Variants in ATP9B observed in about 807,000 individuals in gnomAD.
ATP9B encodes the protein probable phospholipid-transporting ATPase IIB.
In ATP9B, 110 loss-of-function variants were observed where a neutral mutation model predicts 146.1. The ratio of observed to expected loss-of-function variants is 0.75; its 90% CI spans 0.65 to 0.88. ATP9B has a LOEUF of 0.88. Ranked by LOEUF, ATP9B falls within the 40% of genes least tolerant of loss-of-function variation. The pLI is 0.00. For synonymous variants in ATP9B, 604 were observed against 569.7 expected (o/e 1.06, Z -0.86); for missense variants, 1,499 against 1,496.4 (o/e 1.00, Z -0.03).
At chr18:79,340,576 A>G (rs532681216) in intron 19 of ATP9B, 11 of 152,212 alleles carry the variant, frequency 7.2e-5, no homozygotes, top group Admixed American at 2.0e-4. Flanking sequence ...CCTGTTTCCA[A>G]AAATGCATAT....
chr18:79,365,910 G>A (rs1159123533), intron 26 of ATP9B, among the ~76,000 whole-genome samples: 1 of 151,508 alleles, frequency 6.6e-6, no homozygotes, highest in Non-Finnish European at 1.5e-5. Flanking sequence ...GTGATGGAAG[G>A]ACATCTCCGT....
chr18:79,151,463 T>C (rs2094687854), intron 6 of ATP9B, among the ~76,000 whole-genome samples: 1 of 152,208 alleles, frequency 6.6e-6, no homozygotes, highest in African/African-American at 2.4e-5. Context: ...AGGTTACATC[T>C]AAGTTTTGCC....
intron 1 of ATP9B, among the ~76,000 whole-genome samples, chr18:79,088,864 C>A (rs2074069564): frequency 6.6e-6 from 1 of 152,040 alleles, no homozygotes; most frequent in Admixed American, 6.5e-5. Flanking sequence ...AATGAGAAAC[C>A]ATGGTTAAAG....
At chr18:79,282,549 T>C (rs2096389281) in intron 13 of ATP9B, among the ~76,000 whole-genome samples, 1 of 152,238 alleles carries the variant, frequency 6.6e-6, no homozygotes. Context: ...TTAGCACGTT[T>C]TAAAAATATT....
chr18:79,099,367 G>A (rs2075081462), intron 2 of ATP9B, among the ~76,000 whole-genome samples: 1 of 152,036 alleles, frequency 6.6e-6, no homozygotes, highest in Non-Finnish European at 1.5e-5. Context: ...GACTACAGAT[G>A]TGCACCAGCA....
chr18:79,225,950 C>T (rs28675802), intron 11 of ATP9B, among the ~76,000 whole-genome samples: 24,508 of 93,620 alleles, frequency 0.26, 8,244 homozygotes, highest in African/African-American at 0.49. Context: ...TCTTTGTTCC[C>T]AGGGCATCTT....
intron 7 of ATP9B, among the ~76,000 whole-genome samples, chr18:79,157,278 T>TCTAG (rs1484825471): frequency 6.6e-6 from 1 of 151,174 alleles, no homozygotes; most frequent in Admixed American, 6.6e-5. Context: ...GGCCTATAAT[T>TCTAG]CTAGCTACTC....
chr18:79,277,943 A>T (rs2096332134), intron 13 of ATP9B, among the ~76,000 whole-genome samples: 3 of 152,236 alleles, frequency 2.0e-5, no homozygotes, highest in African/African-American at 7.2e-5. Context: ...AATAGTAGAA[A>T]AATCCTCACT....
chr18:79,327,124 T>A (rs560835526), intron 15 of ATP9B, among the ~76,000 whole-genome samples: 44 of 152,352 alleles, frequency 2.9e-4, no homozygotes, highest in Non-Finnish European at 6.0e-4. Context: ...GGCCCTAAGA[T>A]TGATTTAATA....
intron 11 of ATP9B, among the ~76,000 whole-genome samples, chr18:79,219,595 C>T (rs1362125351): frequency 1.3e-5 from 2 of 152,122 alleles, no homozygotes; most frequent in Non-Finnish European, 2.9e-5. Flanking sequence ...TATGGCATTA[C>T]TTCTTTCATT....
intron 4 of ATP9B, among the ~76,000 whole-genome samples, chr18:79,118,593 G>A (rs2094134931): frequency 6.6e-6 from 1 of 151,074 alleles, no homozygotes; most frequent in Admixed American, 6.6e-5. Context: ...GTAGAGATGG[G>A]GTTTTACCAT....
At chr18:79,257,551 G>T (rs1332611947) in intron 12 of ATP9B, among the ~76,000 whole-genome samples, 1 of 152,232 alleles carries the variant, frequency 6.6e-6, no homozygotes, top group Non-Finnish European at 1.5e-5. Flanking sequence ...GCAATGTGGG[G>T]CTTCCCTGGC....
At chr18:79,117,119 AGTTAT>A (rs889988323) in intron 4 of ATP9B, 6 of 152,136 alleles carry the variant, frequency 3.9e-5, no homozygotes, top group African/African-American at 1.4e-4. Context: ...ATAACATAAA[AGTTAT>A]GTATGTATTA....
At chr18:79,285,253 C>A (rs950592106) in intron 13 of ATP9B, among the ~76,000 whole-genome samples, 1 of 151,684 alleles carries the variant, frequency 6.6e-6, no homozygotes, top group Non-Finnish European at 1.5e-5. Flanking sequence ...TAAAAGTGTT[C>A]CTATTTCTCC....
chr18:79,201,299 T>C (rs556267847), intron 9 of ATP9B, among the ~76,000 whole-genome samples: 5 of 152,228 alleles, frequency 3.3e-5, no homozygotes, highest in Non-Finnish European at 7.3e-5. Context: ...ACATGATAAA[T>C]AACTTGTTTA....
At position 79,190,894 on chromosome 18, in the gene ATP9B, GGT is replaced by G. The variant is rs1568367359; in HGVS notation, c.874-2288_874-2287del. Among the ~76,000 whole-genome samples the G allele has an allele frequency of 3.1e-3, 466 of 151,668 alleles. 2 individuals carry two copies. Among genetic ancestry groups the G allele is most frequent in the African/African-American group, 0.01 (431 of 41,360 alleles). ...ATTAAGATTAAAAACAGGATTTGGG[GGT>G]TTTTTTTAAATATTTACTTAGATAT... On this transcript the variant is annotated intron_variant, in intron 8 of 29. Transcript: ENST00000426216.
chr18:79,070,885 G>GAGTT (rs1355256408), intron 1 of ATP9B, among the ~76,000 whole-genome samples: 1 of 151,738 alleles, frequency 6.6e-6, no homozygotes, highest in Non-Finnish European at 1.5e-5. Flanking sequence ...AATTTGAAGT[G>GAGTT]AGTTTCTTGT....
chr18:79,354,639 G>T lies in ATP9B; in HGVS notation c.2904-4715G>T, dbSNP rs1265782757. On this transcript the variant is annotated intron_variant, in intron 25 of 29. Coordinates refer to ENST00000426216, the MANE Select transcript of ATP9B (RefSeq NM_198531.5). ...CCCAGCTCCACTTCCAGGACGGTGG[G>T]AGGTGAGGTAGATGGGTTCCTCCCT... The T allele has an allele frequency of 2.9e-5, 4 of 137,426 alleles. No homozygotes were observed. In the East Asian group the frequency reaches 8.1e-4, roughly 28 times the overall value. The allele number at this position is 137,426 out of a possible 1,614,324, so 8.5% of individuals were successfully genotyped here. A position where few individuals can be genotyped will look rare whatever the true frequency, so the allele number is the denominator to read the frequency against.
intron 12 of ATP9B, among the ~76,000 whole-genome samples, chr18:79,260,683 G>A (rs1279507723): frequency 6.6e-6 from 1 of 152,218 alleles, no homozygotes; most frequent in Non-Finnish European, 1.5e-5. Context: ...CTTACAGGCA[G>A]GAAACAGCTT....
Sources: allele counts gnomAD v4.1 joint callset (sites outside exome capture counted in the v4.1 genomes callset), GRCh38; gene constraint gnomAD v4.1.1; transcripts MANE v1.5; gene names NCBI Gene and HGNC (gene_info 2026-07-23, HGNC 2026-07-21).